The following NUBPL variants were observed in gnomAD, a reference collection of about 807,000 sequenced individuals.
The protein encoded by NUBPL is iron-sulfur cluster transfer protein NUBPL.
In NUBPL, 31 loss-of-function variants were observed where a neutral mutation model predicts 45.7. The observed-to-expected ratio is 0.68, with a 90% confidence interval of 0.51 to 0.92. The LOEUF (loss-of-function observed/expected upper bound fraction) is 0.92, where lower values mean the gene tolerates loss of function less well. NUBPL is among the 40% of genes least tolerant of loss of function. The pLI is 0.00. For missense variants in NUBPL, 401 were observed against 398.7 expected (o/e 1.01, Z -0.05); for synonymous variants, 144 against 140.9 (o/e 1.02, Z -0.15).
chr14:31,683,635 G>A (rs2036888540), intron 6 of NUBPL, among the ~76,000 whole-genome samples: 1 of 152,144 alleles, frequency 6.6e-6, no homozygotes, highest in Admixed American at 6.5e-5. Context: ...ACAGGCGTGA[G>A]CCACCGCGCC....
chr14:31,859,007 C>A, intron 10 of NUBPL, 111 bp from the exon 11 acceptor site: 1 of 859,220 alleles, frequency 1.2e-6, no homozygotes, highest in Non-Finnish European at 1.9e-6. Context: ...TTCCTCATCT[C>A]ACTCAGCCTT....
intron 4 of NUBPL, among the ~76,000 whole-genome samples, chr14:31,642,547 C>T (rs562346507): frequency 1.1e-3 from 174 of 151,988 alleles, no homozygotes; most frequent in Non-Finnish European, 2.0e-3. Flanking sequence ...TGGTCTATGT[C>T]TGTGTTTTTA....
At chr14:31,704,656 C>A (rs530959595) in intron 6 of NUBPL, among the ~76,000 whole-genome samples, 47 of 151,552 alleles carry the variant, frequency 3.1e-4, no homozygotes, top group Non-Finnish European at 5.9e-4. Flanking sequence ...AAGAGCAAAA[C>A]TCCATCTTAA....
rs376653009 is a variant in NUBPL, at chr14:31,651,107, A to G, written c.383-22248A>G. 2.6e-5 allele frequency among the ~76,000 whole-genome samples: 4 copies of G among 152,292 alleles called. No homozygotes were observed. The East Asian group carries it at 5.8e-4, about 22-fold the overall frequency. ...ATTTGGAGAGGCCAGTATCTAAACT[A>G]TAGCAGATACTGTTCCACGTCTTTG... is the stretch of plus-strand genomic sequence containing the variant. On this transcript the variant is annotated intron_variant, in intron 4 of 10. Transcript: ENST00000281081.
intron 8 of NUBPL, among the ~76,000 whole-genome samples, chr14:31,831,942 T>C (rs1331980021): frequency 6.6e-6 from 1 of 152,188 alleles, no homozygotes; most frequent in African/African-American, 2.4e-5. Context: ...ACATTTGCAA[T>C]GATCAAAGTT....
At chr14:31,824,119 A>G (rs1203203134) in intron 7 of NUBPL, among the ~76,000 whole-genome samples, 1 of 152,168 alleles carries the variant, frequency 6.6e-6, no homozygotes, top group Admixed American at 6.5e-5. Flanking sequence ...GACAGCTATC[A>G]TTTATTGAAT....
chr14:31,682,905 T>C (rs2036864537), intron 6 of NUBPL, among the ~76,000 whole-genome samples: 1 of 152,088 alleles, frequency 6.6e-6, no homozygotes, highest in Non-Finnish European at 1.5e-5. Context: ...CATCTGCTTC[T>C]GGTGAAGGTT....
intron 4 of NUBPL, among the ~76,000 whole-genome samples, chr14:31,626,520 T>C (rs542152849): frequency 2.6e-5 from 4 of 152,366 alleles, no homozygotes; most frequent in African/African-American, 9.6e-5. Context: ...CTGCTGCTGC[T>C]TTGTAATTCC....
At chr14:31,653,938 G>A in intron 4 of NUBPL, 1 of 291,862 alleles carries the variant, frequency 3.4e-6, no homozygotes, top group Non-Finnish European at 7.3e-6. Flanking sequence ...CAGGGTCCCT[G>A]ACTTCCCACA....
At chr14:31,849,302 G>A (rs138167812) in intron 9 of NUBPL, among the ~76,000 whole-genome samples, 11 of 152,140 alleles carry the variant, frequency 7.2e-5, no homozygotes, top group African/African-American at 9.7e-5. Flanking sequence ...TTCTGAGAAC[G>A]CTAAGTACCA....
At chr14:31,827,315 T>A in intron 8 of NUBPL, among the ~76,000 whole-genome samples, 1 of 145,390 alleles carries the variant, frequency 6.9e-6, no homozygotes, top group African/African-American at 2.5e-5. Context: ...AAAAGAAAAA[T>A]AGTACCATTA....
intron 6 of NUBPL, among the ~76,000 whole-genome samples, chr14:31,740,917 G>A (rs920424126): frequency 6.6e-6 from 1 of 152,096 alleles, no homozygotes. Context: ...TCCATCAAAG[G>A]CATTGTTTAT....
At chr14:31,650,068 A>G (rs1051416085) in intron 4 of NUBPL, among the ~76,000 whole-genome samples, 3 of 152,074 alleles carry the variant, frequency 2.0e-5, no homozygotes, top group African/African-American at 7.2e-5. Flanking sequence ...CATGCTGGTC[A>G]GGCTGGTCAC....
intron 7 of NUBPL, among the ~76,000 whole-genome samples, chr14:31,792,484 T>C (rs2039400214): frequency 1.2e-3 from 1 of 866 alleles, no homozygotes; most frequent in South Asian, 0.25. Flanking sequence ...TTTGTGCTGA[T>C]TCATATGCCT....
chr14:31,643,486 C>T (rs1022599739), intron 4 of NUBPL, among the ~76,000 whole-genome samples: 7 of 152,024 alleles, frequency 4.6e-5, no homozygotes, highest in African/African-American at 1.7e-4. Flanking sequence ...TTCTTGTATC[C>T]CTGGGATGAA....
chr14:31,793,842 T>TTTTTATTTTTTTTTTTCCCAATGCTTA (rs2039431210), intron 7 of NUBPL, among the ~76,000 whole-genome samples: 1 of 125,056 alleles, frequency 8.0e-6, no homozygotes, highest in African/African-American at 4.4e-5. Flanking sequence ...TTTTTTTTTA[T>TTTTTATTTTTTTTTTTCCCAATGCTTA]TTTTTTTTTT....
At chr14:31,610,583 A>G (rs1418442573) in intron 4 of NUBPL, among the ~76,000 whole-genome samples, 1 of 142,272 alleles carries the variant, frequency 7.0e-6, no homozygotes, top group Non-Finnish European at 1.5e-5. Flanking sequence ...TATTACCCTG[A>G]TATCAAAACC....
chr14:31,658,897 T>A (rs191162444), intron 4 of NUBPL, among the ~76,000 whole-genome samples: 255 of 152,284 alleles, frequency 1.7e-3, no homozygotes, highest in Non-Finnish European at 2.7e-3. Flanking sequence ...CTTACTTTAC[T>A]AATCAAGGGG....
chr14:31,682,640 C>T (rs536457285), intron 6 of NUBPL, among the ~76,000 whole-genome samples: 1 of 151,986 alleles, frequency 6.6e-6, no homozygotes, highest in South Asian at 2.1e-4. Flanking sequence ...CATTTAAATT[C>T]TCCATTAGGT....
Sources: allele counts gnomAD v4.1 joint callset (sites outside exome capture counted in the v4.1 genomes callset), GRCh38; gene constraint gnomAD v4.1.1; transcripts MANE v1.5; gene names NCBI Gene and HGNC (gene_info 2026-07-23, HGNC 2026-07-21).